The following ZNF677 variants were observed in gnomAD, a reference collection of about 807,000 sequenced individuals.
The protein encoded by ZNF677 is hypothetical protein MGC48625.
ZNF677 carries 5 observed loss-of-function variants against 8.1 expected under a neutral mutation model. The observed-to-expected ratio is 0.62, with a 90% CI of 0.32 to 1.29. ZNF677 has a LOEUF of 1.29. Among genes scored for constraint, ZNF677 ranks in the 50% most tolerant of loss-of-function variants. ZNF677 has a pLI of 0.05. For missense variants in ZNF677, 685 were observed against 685.9 expected (o/e 1.00, Z 0.01); for synonymous variants, 221 against 225.6 (o/e 0.98, Z 0.18).
chr19:53,238,376 G>C lies in ZNF677; in HGVS notation c.351C>G (p.Tyr117Ter). 6.2e-7 allele frequency: 1 copy of C among 1,613,540 alleles called. No individual in the cohort carries two copies. The highest frequency in any genetic ancestry group is 8.5e-7 in the Non-Finnish European group (1 of 1,179,834). The change falls in exon 5 of 5, where the codon TAC (tyrosine) becomes TAG (stop). Residue 117 changes from tyrosine to a stop codon, truncating the protein, a stop_gained. Transcript: ENST00000598513. LOFTEE classifies it low-confidence loss of function (END_TRUNC). ...TGTTACAGGTCAAAGGCATTCCTTT[G>C]TAATTTTTTACATCATAGTCCCACA... ...DSLWDYDVKN[Y>*]KGMPLTCNKN... is the part of the protein sequence containing the mutation.
chr19:53,238,548 AC>A lies in ZNF677; in HGVS notation c.178del (p.Val60LeufsTer22). ...DNIPPEDDIS[V>X]GFTSKGLSPK... ...TGATAATCCCTTGCTTGTAAATCCA[AC>A]AGAAATATCTGAAAGATATTAAAAA... On this transcript the variant is annotated frameshift_variant, in exon 5 of 5. Coordinates refer to ENST00000598513, the MANE Select transcript of ZNF677 (RefSeq NM_182609.4). LOFTEE classifies it low-confidence loss of function (END_TRUNC). The A allele has an allele frequency of 1.3e-6, 2 of 1,557,404 alleles. No homozygotes were observed. Among genetic ancestry groups the A allele is most frequent in the Non-Finnish European group, 8.6e-7 (1 of 1,159,156 alleles).
chr19:53,242,759 G>C (rs1599918726), intron 4 of ZNF677: 1 of 203,934 alleles, frequency 4.9e-6, no homozygotes, highest in South Asian at 1.9e-4. Context: ...AAAGGCCCCA[G>C]CTCTGATCTG....
At chr19:53,242,128 T>C in intron 4 of ZNF677, 1 of 394,734 alleles carries the variant, frequency 2.5e-6, no homozygotes, top group Non-Finnish European at 4.5e-6. Context: ...GACGGGGTTT[T>C]TCCATGTTAG....
At chr19:53,251,503 G>A (rs2091232923) in intron 3 of ZNF677, 33 bp downstream of exon 3, 1 of 1,592,750 alleles carries the variant, frequency 6.3e-7, no homozygotes, top group Non-Finnish European at 8.6e-7. Flanking sequence ...GGAAGGAGAG[G>A]ACAAAACAGT....
At chr19:53,250,352 G>A (rs2091215247) in intron 3 of ZNF677, among the ~76,000 whole-genome samples, 1 of 152,160 alleles carries the variant, frequency 6.6e-6, no homozygotes, top group African/African-American at 2.4e-5. Flanking sequence ...ATCCCATCAT[G>A]CGTGCATGAA....
intron 3 of ZNF677, among the ~76,000 whole-genome samples, chr19:53,245,304 T>C (rs973662480): frequency 1.3e-5 from 2 of 152,090 alleles, no homozygotes; most frequent in African/African-American, 2.4e-5. Context: ...AAAACACTTG[T>C]GCATACCAAA....
Position 53,237,483 on chromosome 19 carries a change from C to T in ZNF677, c.1244G>A (p.Cys415Tyr). ...CNECGKAFKQ[C>Y]SHLTRHQNIH... Reference sequence around the variant, plus strand: ...ATTCTGATGCCTAGTGAGATGTGAGCACTGCTTAAAAGCTTTGCCACACTC... The same window carrying T: ...ATTCTGATGCCTAGTGAGATGTGAGTACTGCTTAAAAGCTTTGCCACACTC... Residue 415 changes from cysteine to tyrosine, a missense_variant, in exon 5 of 5, where the codon TGC (cysteine) becomes TAC (tyrosine). Transcript: ENST00000598513. 1 of 1,613,492 alleles carries T rather than the reference C, an allele frequency of 6.2e-7. No homozygotes were observed. Among genetic ancestry groups the T allele is most frequent in the East Asian group, 2.2e-5 (1 of 44,844 alleles).
At chr19:53,247,207 G>A (rs2091158111) in intron 3 of ZNF677, among the ~76,000 whole-genome samples, 1 of 152,136 alleles carries the variant, frequency 6.6e-6, no homozygotes, top group Admixed American at 6.5e-5. Flanking sequence ...AATATGCTAT[G>A]TGCACTAGAC....
intron 2 of ZNF677, 50 bp from the exon 3 acceptor site, chr19:53,251,655 G>T (rs777053459): frequency 7.4e-7 from 1 of 1,351,464 alleles, no homozygotes; most frequent in Non-Finnish European, 1.0e-6. Context: ...CACACCCCCT[G>T]CCTCTACCAC....
At chr19:53,247,441 G>A (rs955598933) in intron 3 of ZNF677, among the ~76,000 whole-genome samples, 1 of 151,806 alleles carries the variant, frequency 6.6e-6, no homozygotes, top group Non-Finnish European at 1.5e-5. Context: ...TTAAAAATTT[G>A]TGTTGTGTCA....
intron 4 of ZNF677, chr19:53,242,223 C>T (rs775350298): frequency 2.0e-4 from 78 of 398,138 alleles, no homozygotes; most frequent in Non-Finnish European, 3.2e-4. Flanking sequence ...TGAGGCACCA[C>T]GCCCATCCGG....
intron 4 of ZNF677, chr19:53,241,678 T>TC (rs1464158625): frequency 5.1e-6 from 2 of 389,084 alleles, no homozygotes; most frequent in Non-Finnish European, 9.1e-6. Context: ...GAAGCACTTA[T>TC]CCCTCCGGCT....
intron 3 of ZNF677, among the ~76,000 whole-genome samples, chr19:53,247,440 T>C (rs2091163845): frequency 6.6e-6 from 1 of 152,164 alleles, no homozygotes; most frequent in Non-Finnish European, 1.5e-5. Flanking sequence ...TTTAAAAATT[T>C]GTGTTGTGTC....
chr19:53,249,272 G>A (rs2091195730), intron 3 of ZNF677: 1 of 152,180 alleles, frequency 6.6e-6, no homozygotes, highest in Admixed American at 6.5e-5. Flanking sequence ...TGTAATGTCT[G>A]AGCTTCCTCA....
chr19:53,246,012 A>G (rs1352232058), intron 3 of ZNF677, among the ~76,000 whole-genome samples: 2 of 149,780 alleles, frequency 1.3e-5, no homozygotes, highest in Non-Finnish European at 3.0e-5. Context: ...ACTCCATCTC[A>G]GGAAAAAATA....
chr19:53,244,620 A>G (rs1367792678), intron 3 of ZNF677, among the ~76,000 whole-genome samples: 1 of 152,244 alleles, frequency 6.6e-6, no homozygotes, highest in East Asian at 1.9e-4. Flanking sequence ...AAATAAATGG[A>G]AAGATATCCT....
At position 53,237,773 on chromosome 19, in the gene ZNF677, T is replaced by A. The variant is rs746433717; in HGVS notation, c.954A>T (p.Pro318=). The stretch of plus-strand genomic sequence containing the variant: ...CCTTGCCACATATATTACATTGATA[T>A]GGTTTCTCTCCTGTATGGACTCTCT... The part of the protein sequence containing the change: ...RHQRVHTGEK[P]YQCNICGKVC... Residue 318 remains proline (P), a synonymous_variant, in exon 5 of 5, where the codon CCA becomes CCT. Coordinates refer to ENST00000598513, the MANE Select transcript of ZNF677 (RefSeq NM_182609.4). 4 of 1,613,688 alleles carry A rather than the reference T, an allele frequency of 2.5e-6. No homozygotes were observed. The Admixed American group carries it at 6.7e-5, about 27-fold the overall frequency.
intron 4 of ZNF677, chr19:53,242,788 C>T (rs983188395): frequency 1.7e-5 from 3 of 177,092 alleles, no homozygotes; most frequent in Admixed American, 6.2e-5. Flanking sequence ...GAAAACCACA[C>T]ATCAGATGAA....
In ZNF677 at chr19:53,243,807, C is replaced by T. The variant is rs773477246; in HGVS notation, c.106G>A (p.Val36Met). ...DPAQRALYRD[V>M]MLENYRNLLS... ...AGGTTCCTGTAGTTCTCCAACATCA[C>T]GTCCCTGTACAAGGCCCTCTGGGCA... Residue 36 changes from valine (V) to methionine (M), a missense_variant, in exon 4 of 5, where the codon GTG becomes ATG. Coordinates refer to ENST00000598513, the MANE Select transcript of ZNF677 (RefSeq NM_182609.4). 1.4e-5 allele frequency: 22 copies of T among 1,614,062 alleles called. 1 individual carries two copies. Among genetic ancestry groups the T allele is most frequent in the African/African-American group, 5.3e-5 (4 of 74,930 alleles).
Sources: gnomAD v4.1 joint callset for allele counts (sites outside exome capture counted in the v4.1 genomes callset) on GRCh38, gnomAD v4.1.1 for gene constraint, MANE v1.5 for transcripts, NCBI Gene and HGNC (gene_info 2026-07-23, HGNC 2026-07-21) for gene names.